Variants in MSRA observed in about 807,000 individuals in gnomAD.
The protein encoded by MSRA is methionine sulfoxide reductase A.
MSRA carries 54 observed loss-of-function variants against 31.3 expected under a neutral mutation model. That is an observed-to-expected ratio of 1.73 (90% confidence interval 1.39 to 2.17). The LOEUF (loss-of-function observed/expected upper bound fraction) is 2.17. Ranked by LOEUF, MSRA falls within the 30% of genes most tolerant of loss-of-function variation. MSRA has a pLI of 0.00. For missense variants in MSRA, 507 were observed against 300.9 expected (o/e 1.69, Z -5.07); for synonymous variants, 169 against 116.5 (o/e 1.45, Z -2.90).
intron 1 of MSRA, among the ~76,000 whole-genome samples, chr8:10,147,429 C>A (rs188850657): frequency 6.6e-6 from 1 of 152,188 alleles, no homozygotes; most frequent in African/African-American, 2.4e-5. Context: ...CCTCTGTCCC[C>A]ATGTCCTCAC....
chr8:10,196,024 C>T (rs938180122), intron 1 of MSRA, among the ~76,000 whole-genome samples: 15 of 152,126 alleles, frequency 9.9e-5, no homozygotes, highest in African/African-American at 2.9e-4. Flanking sequence ...CCATTACCTC[C>T]GATCATTTAT....
At chr8:10,327,890 G>A (rs1310988365) in intron 5 of MSRA, among the ~76,000 whole-genome samples, 9 of 152,126 alleles carry the variant, frequency 5.9e-5, no homozygotes, top group African/African-American at 1.9e-4. Context: ...CTGAGATTGC[G>A]CCACTGCACT....
chr8:10,335,513 G>A (rs1166765282), intron 5 of MSRA, among the ~76,000 whole-genome samples: 1 of 152,106 alleles, frequency 6.6e-6, no homozygotes, highest in Non-Finnish European at 1.5e-5. Flanking sequence ...TTACCATCTG[G>A]CCTCAGAGCT....
At chr8:10,204,472 A>G (rs1808769686) in intron 1 of MSRA, among the ~76,000 whole-genome samples, 1 of 152,142 alleles carries the variant, frequency 6.6e-6, no homozygotes, top group Non-Finnish European at 1.5e-5. Flanking sequence ...CTGTGCTTAT[A>G]GATATCTAGA....
chr8:10,350,520 AT>A (rs1804062933), intron 5 of MSRA, among the ~76,000 whole-genome samples: 1 of 152,188 alleles, frequency 6.6e-6, no homozygotes, highest in South Asian at 2.1e-4. Flanking sequence ...ATTAAGATGG[AT>A]TTTAGAGTTA....
rs557740487 is a variant in MSRA, at chr8:10,405,347, A to G, written c.544-22801A>G. Among the ~76,000 whole-genome samples, 317 of 152,222 alleles carry G rather than the reference A, an allele frequency of 2.1e-3. 6 individuals are homozygous for G. In the South Asian group the frequency reaches 0.041, roughly 19 times the overall value. ...CCCTCCCTCCATGTTTGGGCAGCTC[A>G]TTCCAAACCACCACCCAGCCAAGAC... On this transcript the variant is annotated intron_variant, in intron 5 of 5. Coordinates refer to ENST00000317173, the MANE Select transcript of MSRA (RefSeq NM_012331.5).
At chr8:10,347,299 C>T (rs1210088714) in intron 5 of MSRA, among the ~76,000 whole-genome samples, 2 of 152,182 alleles carry the variant, frequency 1.3e-5, no homozygotes, top group Non-Finnish European at 2.9e-5. Flanking sequence ...TTTCCACTCC[C>T]TGGTCTGCAT....
intron 2 of MSRA, among the ~76,000 whole-genome samples, chr8:10,236,614 A>T (rs1275386327): frequency 6.6e-6 from 1 of 152,216 alleles, no homozygotes; most frequent in African/African-American, 2.4e-5. Context: ...GTGGAATCTC[A>T]GCTCGCTGCA....
At chr8:10,209,017 A>G (rs955930699) in intron 2 of MSRA, among the ~76,000 whole-genome samples, 1 of 152,328 alleles carries the variant, frequency 6.6e-6, no homozygotes, top group Admixed American at 6.5e-5. Flanking sequence ...AGAGTCATAA[A>G]CAGGGACCCA....
chr8:10,408,379 T>A (rs947491798), intron 5 of MSRA, among the ~76,000 whole-genome samples: 3 of 151,882 alleles, frequency 2.0e-5, no homozygotes, highest in Non-Finnish European at 2.9e-5. Flanking sequence ...TCTACCAAAA[T>A]TTTTTTTAAA....
intron 1 of MSRA, among the ~76,000 whole-genome samples, chr8:10,202,972 G>C (rs1475481099): frequency 6.6e-6 from 1 of 151,990 alleles, no homozygotes; most frequent in Non-Finnish European, 1.5e-5. Context: ...CCTGTTCTTA[G>C]CCACCAGTTC....
intron 3 of MSRA, among the ~76,000 whole-genome samples, chr8:10,297,426 T>C (rs1800605666): frequency 6.6e-6 from 1 of 152,242 alleles, no homozygotes; most frequent in Admixed American, 6.5e-5. Context: ...TATCATGCTA[T>C]GTGCGCGATG....
intron 3 of MSRA, chr8:10,250,518 G>C: frequency 2.9e-6 from 2 of 698,310 alleles, no homozygotes; most frequent in Admixed American, 2.0e-5. Context: ...GAAAGGAGCT[G>C]CACAACTTTT....
chr8:10,269,864 G>A (rs1424086781), intron 3 of MSRA, among the ~76,000 whole-genome samples: 1 of 152,066 alleles, frequency 6.6e-6, no homozygotes, highest in African/African-American at 2.4e-5. Flanking sequence ...TGTTAGCCAG[G>A]ATGGTCTCGA....
intron 1 of MSRA, among the ~76,000 whole-genome samples, chr8:10,064,158 A>C (rs929413970): frequency 1.3e-5 from 2 of 152,168 alleles, no homozygotes; most frequent in Non-Finnish European, 2.9e-5. Flanking sequence ...TGGCATGATC[A>C]GAGTTCTCAG....
intron 1 of MSRA, among the ~76,000 whole-genome samples, chr8:10,190,344 C>T (rs1383703441): frequency 1.3e-5 from 2 of 152,164 alleles, no homozygotes; most frequent in Non-Finnish European, 2.9e-5. Context: ...CTGCCTGTGC[C>T]GCTTCTGTCC....
intron 1 of MSRA, among the ~76,000 whole-genome samples, chr8:10,184,740 A>G (rs1163784369): frequency 6.6e-6 from 1 of 152,198 alleles, no homozygotes; most frequent in African/African-American, 2.4e-5. Flanking sequence ...TTGGTGGATG[A>G]AGAGATCTAG....
chr8:10,320,012 C>A (rs146908660), intron 5 of MSRA, 23 bp downstream of exon 5: 1 of 1,548,718 alleles, frequency 6.5e-7, no homozygotes, highest in Non-Finnish European at 8.8e-7. Flanking sequence ...GGGCTCCTAG[C>A]CCCTGGCTTA....
At chr8:10,266,447 T>C (rs1798751998) in intron 3 of MSRA, among the ~76,000 whole-genome samples, 1 of 152,250 alleles carries the variant, frequency 6.6e-6, no homozygotes, top group African/African-American at 2.4e-5. Context: ...ATTTTCTCAT[T>C]GTAATTTTGA....
Sources: allele counts gnomAD v4.1 joint callset (sites outside exome capture counted in the v4.1 genomes callset), GRCh38; gene constraint gnomAD v4.1.1; transcripts MANE v1.5; gene names NCBI Gene and HGNC (gene_info 2026-07-23, HGNC 2026-07-21).